KIF1B: variants seen among roughly 807,000 people sequenced by gnomAD.
KIF1B encodes kinesin-like protein KIF1B.
KIF1B carries 76 observed loss-of-function variants against 241.9 expected under a neutral mutation model. That is an observed-to-expected ratio of 0.31 (90% confidence interval 0.26 to 0.38). KIF1B has a LOEUF of 0.38. Among genes scored for constraint, KIF1B ranks in the 10% least tolerant of loss-of-function variants. The probability of loss-of-function intolerance (pLI) is 1.00; values close to 1 mark genes in which losing one functional copy is unlikely to be tolerated. For missense variants in KIF1B, 1,622 were observed against 2,271.4 expected, an observed-to-expected ratio of 0.71 and a Z score of 5.81; for synonymous variants, 750 against 796.7, an observed-to-expected ratio of 0.94 and a Z score of 0.99.
intron 27 of KIF1B, among the ~76,000 whole-genome samples, chr1:10,334,149 CA>C (rs372716443): frequency 0.012 from 968 of 82,930 alleles, 7 homozygotes; most frequent in South Asian, 0.037. Flanking sequence ...GACTCTGTCT[CA>C]AAAAAAAAAA....
intron 19 of KIF1B, 132 bp from the exon 20 acceptor site, chr1:10,296,450 A>G: frequency 1.3e-6 from 1 of 759,302 alleles, no homozygotes; most frequent in South Asian, 1.5e-5. Context: ...ACTACTGTAT[A>G]GACAACTTCA....
intron 1 of KIF1B, among the ~76,000 whole-genome samples, chr1:10,224,568 G>A (rs752766470): frequency 6.6e-6 from 1 of 151,224 alleles, no homozygotes; most frequent in Non-Finnish European, 1.5e-5. Context: ...ACCGATGCAT[G>A]CCACCACACC....
At chr1:10,244,676 G>GCC (rs1647183569) in intron 2 of KIF1B, among the ~76,000 whole-genome samples, 1 of 144,484 alleles carries the variant, frequency 6.9e-6, no homozygotes, top group Non-Finnish European at 1.5e-5. Context: ...GCAGTGGCGT[G>GCC]ATCTCTGCTC....
At chr1:10,295,208 C>A in intron 18 of KIF1B, 43 bp downstream of exon 18, 1 of 1,176,630 alleles carries the variant, frequency 8.5e-7, no homozygotes, top group Non-Finnish European at 1.3e-6. Flanking sequence ...TGTTTTCCCC[C>A]TCTTAGATAA....
chr1:10,313,693 GGT>G (rs1253447334), intron 22 of KIF1B, among the ~76,000 whole-genome samples: 21 of 149,878 alleles, frequency 1.4e-4, no homozygotes, highest in Non-Finnish European at 2.9e-4. Flanking sequence ...TGGGACTACA[GGT>G]GCCCACCACC....
chr1:10,363,447 T>C, intron 41 of KIF1B, 103 bp downstream of exon 41: 2 of 983,360 alleles, frequency 2.0e-6, no homozygotes, highest in Non-Finnish European at 3.2e-6. Context: ...ATCCCAGCGC[T>C]TTGGGAGGCC....
intron 37 of KIF1B, among the ~76,000 whole-genome samples, chr1:10,351,972 C>CA (rs35296006): frequency 0.011 from 1,581 of 145,488 alleles, 16 homozygotes; most frequent in African/African-American, 0.029. Flanking sequence ...GACATTGTTT[C>CA]AAAAAAAAAA....
chr1:10,278,445 G>C (rs1466518534), intron 13 of KIF1B: 1 of 295,806 alleles, frequency 3.4e-6, no homozygotes, highest in African/African-American at 2.2e-5. Context: ...CGTTAAACCT[G>C]TTATCACTGA....
At position 10,326,920 on chromosome 1, in the gene KIF1B, T is replaced by C. The variant is rs989657963; in HGVS notation, c.2924+561T>C. 6.6e-6 allele frequency among the ~76,000 whole-genome samples: 1 copy of C among 152,178 alleles called. No individual in the cohort carries two copies. The highest frequency in any genetic ancestry group is 2.1e-4 in the South Asian group (1 of 4,828). ...GAATCAGGAAAGTTAAGCTTCTCCT[T>C]TACCTAAAACGGATGCCTGTCTTTG... On this transcript the variant is annotated intron_variant, in intron 27 of 48. Coordinates refer to ENST00000676179, the MANE Select transcript of KIF1B (RefSeq NM_001365951.3). The surrounding 1 kb of genome is among the most constrained non-coding windows in gnomAD (Gnocchi z 5.2).
intron 14 of KIF1B, among the ~76,000 whole-genome samples, chr1:10,279,621 T>G (rs547196955): frequency 4.6e-5 from 7 of 151,966 alleles, no homozygotes; most frequent in African/African-American, 1.7e-4. Context: ...CTAAGACTCA[T>G]GAGTGCTTGT....
At chr1:10,324,169 T>C (rs1244645067) in intron 25 of KIF1B, 107 bp downstream of exon 25, 2 of 1,084,048 alleles carry the variant, frequency 1.8e-6, no homozygotes, top group Non-Finnish European at 2.8e-6. Flanking sequence ...TGTTGCTTAC[T>C]TCCCTGTACT....
chr1:10,354,389 G>A (rs1652903373), intron 38 of KIF1B, among the ~76,000 whole-genome samples: 1 of 152,046 alleles, frequency 6.6e-6, no homozygotes, highest in South Asian at 2.1e-4. Context: ...TTTCAGTTTG[G>A]TGGAGCAAGA....
chr1:10,271,652 G>T, intron 8 of KIF1B, 73 bp downstream of exon 8: 1 of 996,158 alleles, frequency 1.0e-6, no homozygotes. Context: ...AAATTTTATT[G>T]AAACACAGCT....
At chr1:10,330,110 C>G (rs1459402145) in intron 27 of KIF1B, among the ~76,000 whole-genome samples, 1 of 152,186 alleles carries the variant, frequency 6.6e-6, no homozygotes, top group Non-Finnish European at 1.5e-5. Context: ...CCATATTCCC[C>G]TCTCTCATCC....
intron 14 of KIF1B, among the ~76,000 whole-genome samples, chr1:10,279,863 A>AT (rs370022141): frequency 6.6e-6 from 1 of 151,776 alleles, no homozygotes; most frequent in East Asian, 1.9e-4. Context: ...CACCTGGCTA[A>AT]TTTTTTAATT....
intron 2 of KIF1B, among the ~76,000 whole-genome samples, chr1:10,240,309 A>G (rs1046269293): frequency 2.7e-5 from 4 of 150,476 alleles, no homozygotes; most frequent in Non-Finnish European, 5.9e-5. Flanking sequence ...CCCAGGTTCA[A>G]GTGATTCTCC....
rs562922975 is a variant in KIF1B, at chr1:10,336,389, T to G, written c.3044-268T>G. On this transcript the variant is annotated intron_variant, in intron 28 of 48. Coordinates refer to ENST00000676179, the MANE Select transcript of KIF1B (RefSeq NM_001365951.3). ...GTCTCGAACTCCTGACCTCGTGATCTGCCCACCTCAGCCCCTCAAAGTGCT... is the reference window on the plus strand; with the variant it reads ...GTCTCGAACTCCTGACCTCGTGATCGGCCCACCTCAGCCCCTCAAAGTGCT... Among the ~76,000 whole-genome samples, 334 of 152,330 alleles carry G rather than the reference T, an allele frequency of 2.2e-3. 3 individuals carry two copies. The highest frequency in any genetic ancestry group is 3.6e-3 in the Non-Finnish European group (247 of 68,026).
chr1:10,308,770 A>G (rs1012058853), intron 22 of KIF1B, among the ~76,000 whole-genome samples: 1 of 152,176 alleles, frequency 6.6e-6, no homozygotes, highest in Non-Finnish European at 1.5e-5. Context: ...TGCTTTAGCT[A>G]CCCTTTTCTG....
At chr1:10,305,617 G>C (rs1342467679) in intron 22 of KIF1B, 1 of 1,056,698 alleles carries the variant, frequency 9.5e-7, no homozygotes, top group Non-Finnish European at 1.1e-6. Flanking sequence ...CTTTGGTTGG[G>C]CTTGGAATAA....
Sources: gnomAD v4.1 joint callset for allele counts (sites outside exome capture counted in the v4.1 genomes callset) on GRCh38, gnomAD v4.1.1 for gene constraint, Gnocchi (gnomAD v3.1) non-coding constraint, MANE v1.5 for transcripts, NCBI Gene and HGNC (gene_info 2026-07-23, HGNC 2026-07-21) for gene names.